Variants in ADORA2B observed in about 807,000 individuals in gnomAD.
ADORA2B encodes the protein adenosine A2b receptor, also known as adenosine receptor A2b.
Under a neutral mutation model 20.8 loss-of-function variants are expected in ADORA2B, and 18 were observed. That is an observed-to-expected ratio of 0.87 (90% CI 0.60 to 1.29). The LOEUF (loss-of-function observed/expected upper bound fraction) is 1.29. Ranked by LOEUF, ADORA2B falls within the 50% of genes most tolerant of loss-of-function variation. The probability of loss-of-function intolerance (pLI) is 0.00; values close to 1 mark genes in which losing one functional copy is unlikely to be tolerated. For synonymous variants in ADORA2B, 179 were observed against 178.3 expected, an observed-to-expected ratio of 1.00 and a Z score of -0.03; for missense variants, 441 against 422.7, an observed-to-expected ratio of 1.04 and a Z score of -0.38.
chr17:15,917,984 G>A, the ADORA2B span, among the ~76,000 whole-genome samples: 1 of 152,216 alleles, frequency 6.6e-6, no homozygotes, highest in Non-Finnish European at 1.5e-5. Context: ...ATCCTTGTGG[G>A]TGATTGTACG....
chr17:15,926,191 G>C, the ADORA2B span, among the ~76,000 whole-genome samples: 1 of 152,022 alleles, frequency 6.6e-6, no homozygotes, highest in African/African-American at 2.4e-5. Flanking sequence ...TGCTCTACAG[G>C]CTCCTATGTG....
chr17:15,900,665 G>A, the ADORA2B span, among the ~76,000 whole-genome samples: 1 of 152,006 alleles, frequency 6.6e-6, no homozygotes, highest in Non-Finnish European at 1.5e-5. Flanking sequence ...GCCTAGGCTG[G>A]TCTTGAACTC....
At chr17:15,930,522 C>T in the ADORA2B span, among the ~76,000 whole-genome samples, 1 of 152,152 alleles carries the variant, frequency 6.6e-6, no homozygotes, top group African/African-American at 2.4e-5. Context: ...TCTTGAACTC[C>T]TGAGCTCAAG....
At chr17:15,967,646 A>G (rs1481966422) in intron 1 of ADORA2B, among the ~76,000 whole-genome samples, 1 of 152,008 alleles carries the variant, frequency 6.6e-6, no homozygotes, top group Non-Finnish European at 1.5e-5. Flanking sequence ...CCTGGACGAC[A>G]GAGTGAGATT....
At chr17:15,895,737 A>G in the ADORA2B span, among the ~76,000 whole-genome samples, 1 of 152,188 alleles carries the variant, frequency 6.6e-6, no homozygotes, top group Non-Finnish European at 1.5e-5. Context: ...GAGGGCGGGC[A>G]CAGTGATGGT....
At chr17:15,905,495 C>T in the ADORA2B span, among the ~76,000 whole-genome samples, 3 of 152,152 alleles carry the variant, frequency 2.0e-5, no homozygotes, top group Non-Finnish European at 4.4e-5. Flanking sequence ...ATTCTCCTGC[C>T]TCAGCCTCCA....
chr17:15,869,339 A>AATTATT, the ADORA2B span, among the ~76,000 whole-genome samples: 2 of 143,806 alleles, frequency 1.4e-5, no homozygotes, highest in African/African-American at 2.6e-5. Context: ...TAATAATAAT[A>AATTATT]ATTATTATTA....
the ADORA2B span, among the ~76,000 whole-genome samples, chr17:15,923,572 T>TG: frequency 1.3e-5 from 2 of 151,148 alleles, no homozygotes; most frequent in Admixed American, 6.6e-5. Context: ...GCCCGACTAA[T>TG]TTTTTTTGTA....
the ADORA2B span, among the ~76,000 whole-genome samples, chr17:15,939,004 A>G: frequency 6.6e-6 from 1 of 152,200 alleles, no homozygotes; most frequent in African/African-American, 2.4e-5. Flanking sequence ...AACATCAAAC[A>G]TAGCAAGTAA....
At chr17:15,875,275 AT>A in the ADORA2B span, among the ~76,000 whole-genome samples, 14,465 of 152,018 alleles carry the variant, frequency 0.095, 1,978 homozygotes, top group African/African-American at 0.3. Context: ...CACCTTGCTG[AT>A]TTTTTTGGCA....
the ADORA2B span, among the ~76,000 whole-genome samples, chr17:15,935,461 C>A: frequency 1.6e-4 from 25 of 152,154 alleles, no homozygotes; most frequent in Middle Eastern, 3.2e-3. Context: ...AGTCACCTTT[C>A]TCCTGATGCC....
the ADORA2B span, among the ~76,000 whole-genome samples, chr17:15,880,849 T>A: frequency 1.3e-5 from 2 of 152,330 alleles, no homozygotes; most frequent in South Asian, 4.1e-4. Flanking sequence ...TAGCAGCTAT[T>A]TAAAGGGATA....
At chr17:15,870,542 G>A in the ADORA2B span, among the ~76,000 whole-genome samples, 1 of 151,272 alleles carries the variant, frequency 6.6e-6, no homozygotes, top group Admixed American at 6.6e-5. Flanking sequence ...GAGCCCAGGA[G>A]GCAGAGGTTG....
the ADORA2B span, among the ~76,000 whole-genome samples, chr17:15,909,615 A>G: frequency 6.6e-6 from 1 of 152,040 alleles, no homozygotes; most frequent in Admixed American, 6.5e-5. Context: ...TCACACCCAC[A>G]CAGGCTTGTC....
chr17:15,858,971 C>G, the ADORA2B span, among the ~76,000 whole-genome samples: 1 of 152,124 alleles, frequency 6.6e-6, no homozygotes, highest in East Asian at 1.9e-4. Flanking sequence ...TGTGCTTGTG[C>G]TAGGGAGACA....
intron 1 of ADORA2B, among the ~76,000 whole-genome samples, chr17:15,948,325 C>T (rs1277114370): frequency 2.0e-5 from 3 of 149,736 alleles, no homozygotes; most frequent in Non-Finnish European, 2.9e-5. Context: ...GCCTTCAGGA[C>T]AGGGCTGGCC....
At position 15,975,419 on chromosome 17, in the gene ADORA2B, A is replaced by AAGAT. The variant is rs1970244786; in HGVS notation, c.*80_*83dup. 2 of 1,457,826 alleles carry AAGAT rather than the reference A, an allele frequency of 1.4e-6. No individual in the cohort carries two copies. Among genetic ancestry groups the AAGAT allele is most frequent in the East Asian group, 4.5e-5 (2 of 44,076 alleles). The allele number at this position is 1,457,826 out of a possible 1,614,324, so 90.3% of individuals were successfully genotyped here. Reference sequence around the variant, plus strand: ...AGGACACGGCTGGTTTTCATTGTGAAAGATAGCTACACCTCACAAGGAAAT... The same window carrying AAGAT: ...AGGACACGGCTGGTTTTCATTGTGAAAGATAGATAGCTACACCTCACAAGGAAAT... On this transcript the variant is annotated 3_prime_UTR_variant, in exon 2 of 2. Coordinates refer to ENST00000304222, the MANE Select transcript of ADORA2B (RefSeq NM_000676.4).
the ADORA2B span, among the ~76,000 whole-genome samples, chr17:15,905,147 G>A: frequency 6.6e-6 from 1 of 152,162 alleles, no homozygotes. Context: ...ACAGTGTTCA[G>A]TCTTCCAGTC....
chr17:15,854,328 C>G, the ADORA2B span, among the ~76,000 whole-genome samples: 1 of 152,068 alleles, frequency 6.6e-6, no homozygotes, highest in Admixed American at 6.6e-5. Flanking sequence ...ACTACTGAAA[C>G]CAACCACAGT....
Sources: gnomAD v4.1 joint callset for allele counts (sites outside exome capture counted in the v4.1 genomes callset) on GRCh38, gnomAD v4.1.1 for gene constraint, MANE v1.5 for transcripts, NCBI Gene and HGNC (gene_info 2026-07-23, HGNC 2026-07-21) for gene names.